TMEM108: variants seen among roughly 807,000 people sequenced by gnomAD.
TMEM108 encodes the protein cancer/testis antigen 124.
TMEM108 carries 12 observed loss-of-function variants against 35.1 expected under a neutral mutation model. That is an observed-to-expected ratio of 0.34 (90% CI 0.22 to 0.55). The LOEUF (loss-of-function observed/expected upper bound fraction) is 0.55. TMEM108 is among the 20% of genes least tolerant of loss of function. The pLI, the probability that TMEM108 is intolerant of heterozygous loss-of-function variation, is 0.89. For synonymous variants in TMEM108, 287 were observed against 308.6 expected, an observed-to-expected ratio of 0.93 and a Z score of 0.73; for missense variants, 680 against 753.3, an observed-to-expected ratio of 0.90 and a Z score of 1.14.
At chr3:133,246,253 A>G (rs187444529) in intron 3 of TMEM108, 3 of 152,274 alleles carry the variant, frequency 2.0e-5, no homozygotes, top group Admixed American at 2.0e-4. Context: ...GTTGCACCAA[A>G]CTATTAGTTT....
intron 2 of TMEM108, among the ~76,000 whole-genome samples, chr3:133,107,781 C>G (rs903671596): frequency 6.6e-6 from 1 of 152,174 alleles, no homozygotes; most frequent in African/African-American, 2.4e-5. Context: ...GCTATAGCCT[C>G]TAAGCCACAA....
chr3:133,181,029 A>C (rs921836964), intron 2 of TMEM108, among the ~76,000 whole-genome samples: 6 of 144,120 alleles, frequency 4.2e-5, no homozygotes, highest in South Asian at 2.2e-4. Flanking sequence ...AAAAAAAAAA[A>C]AAAAAAAAAC....
chr3:133,309,985 CCA>C (rs1183102493), intron 3 of TMEM108, among the ~76,000 whole-genome samples: 1 of 152,098 alleles, frequency 6.6e-6, no homozygotes, highest in Non-Finnish European at 1.5e-5. Flanking sequence ...CAGGCGTGAG[CCA>C]CCGCGCCCGG....
rs754073637 is a variant in TMEM108 at position 133,380,648 on chromosome 3, G to T, written c.937G>T (p.Ala313Ser). 9.9e-6 allele frequency: 16 copies of T among 1,613,822 alleles called. No homozygotes were observed. The highest frequency in any genetic ancestry group is 1.4e-5 in the Non-Finnish European group (16 of 1,179,966). ...AGGTGCCCCTGTCAGTCCACAAGCTGCCCCAGTGCCTTCTCAGCGCCCCCA... is the reference window on the plus strand; with the variant it reads ...AGGTGCCCCTGTCAGTCCACAAGCTTCCCCAGTGCCTTCTCAGCGCCCCCA... Reference protein sequence around the residue: ...ASGAPVSPQAAPVPSQRPHHG... With the variant: ...ASGAPVSPQASPVPSQRPHHG... Residue 313 changes from alanine to serine, a missense_variant, in exon 4 of 6, where the codon GCC becomes TCC. Ala to Ser is a moderately conservative substitution (Grantham distance 99). Coordinates refer to ENST00000321871, the MANE Select transcript of TMEM108 (RefSeq NM_023943.4). The surrounding 1 kb of genome is among the most constrained non-coding windows in gnomAD (Gnocchi z 5.3).
chr3:133,095,841 T>C (rs141826320), intron 2 of TMEM108, among the ~76,000 whole-genome samples: 1 of 152,348 alleles, frequency 6.6e-6, no homozygotes, highest in East Asian at 1.9e-4. Context: ...TGTGGCCCAG[T>C]TCCTGGCTGT....
chr3:133,197,143 A>G (rs1945590304), intron 2 of TMEM108, among the ~76,000 whole-genome samples: 1 of 152,222 alleles, frequency 6.6e-6, no homozygotes, highest in Non-Finnish European at 1.5e-5. Context: ...ATAGACTACT[A>G]TGTAACTGCA....
intron 2 of TMEM108, among the ~76,000 whole-genome samples, chr3:133,111,654 G>A (rs777844139): frequency 1.8e-4 from 27 of 152,018 alleles, no homozygotes; most frequent in Non-Finnish European, 3.8e-4. Flanking sequence ...ATCTTTGTAA[G>A]CTGCCCTGAA....
At chr3:133,153,112 G>T (rs935699663) in intron 2 of TMEM108, among the ~76,000 whole-genome samples, 2 of 152,230 alleles carry the variant, frequency 1.3e-5, no homozygotes, top group African/African-American at 4.8e-5. Flanking sequence ...GTAGACCATT[G>T]TGTCAAACAC....
At chr3:133,311,686 A>G (rs959519501) in intron 3 of TMEM108, among the ~76,000 whole-genome samples, 1 of 152,148 alleles carries the variant, frequency 6.6e-6, no homozygotes, top group Non-Finnish European at 1.5e-5. Context: ...GAAGTTTATT[A>G]CCAACCTTCT....
At chr3:133,161,197 C>A (rs1394357270) in intron 2 of TMEM108, among the ~76,000 whole-genome samples, 2 of 152,194 alleles carry the variant, frequency 1.3e-5, no homozygotes, top group African/African-American at 4.8e-5. Context: ...TGTTTTAACA[C>A]TTCAAGTACT....
intron 1 of TMEM108, among the ~76,000 whole-genome samples, chr3:133,040,292 C>G (rs1943259711): frequency 6.7e-6 from 1 of 150,034 alleles, no homozygotes; most frequent in Non-Finnish European, 1.5e-5. Context: ...TAACCTCCGT[C>G]TCCTGGATTC....
intron 1 of TMEM108, among the ~76,000 whole-genome samples, chr3:133,043,498 GC>G (rs1943299479): frequency 6.6e-6 from 1 of 152,152 alleles, no homozygotes; most frequent in Non-Finnish European, 1.5e-5. Flanking sequence ...TAATGTATAT[GC>G]GAGTATTGAT....
intron 1 of TMEM108, among the ~76,000 whole-genome samples, chr3:133,042,440 C>T (rs1943286701): frequency 6.6e-6 from 1 of 152,198 alleles, no homozygotes; most frequent in South Asian, 2.1e-4. Flanking sequence ...TAAATCTATT[C>T]ACCTTTCTGA....
At chr3:133,288,436 C>T (rs763674641) in intron 3 of TMEM108, among the ~76,000 whole-genome samples, 67 of 152,176 alleles carry the variant, frequency 4.4e-4, no homozygotes, top group Non-Finnish European at 4.4e-4. Flanking sequence ...TTCTTTAAAT[C>T]GGATGCCTTT....
chr3:133,377,226 G>A (rs1169716228), intron 3 of TMEM108, among the ~76,000 whole-genome samples: 2 of 152,142 alleles, frequency 1.3e-5, no homozygotes, highest in African/African-American at 4.8e-5. Flanking sequence ...GGGATTTTGG[G>A]GGTGCATAAG....
chr3:133,118,750 C>G (rs1022358181), intron 2 of TMEM108, among the ~76,000 whole-genome samples: 1 of 152,072 alleles, frequency 6.6e-6, no homozygotes, highest in African/African-American at 2.4e-5. Context: ...GTTCTCCTAC[C>G]CAGGGCTCGG....
rs552250203 is a variant in TMEM108 at position 133,260,660 on chromosome 3, T to C, written c.40+31309T>C. 5.3e-5 allele frequency among the ~76,000 whole-genome samples: 8 copies of C among 152,144 alleles called. No individual in the cohort carries two copies. The South Asian group carries it at 1.5e-3, about 28-fold the overall frequency. On this transcript the variant is annotated intron_variant, in intron 3 of 5. Transcript: ENST00000321871. The stretch of plus-strand genomic sequence containing the variant: ...TATCTTAAGTGTAATGAGGAGCCCA[T>C]TGGAAAATTCTAAACAGATAAATAA...
At chr3:133,351,722 A>C (rs2072004077) in intron 3 of TMEM108, among the ~76,000 whole-genome samples, 1 of 152,144 alleles carries the variant, frequency 6.6e-6, no homozygotes, top group Non-Finnish European at 1.5e-5. Context: ...GAGGAAAGTG[A>C]GGCACAAAGT....
intron 2 of TMEM108, among the ~76,000 whole-genome samples, chr3:133,221,540 T>C (rs1360285940): frequency 6.6e-6 from 1 of 152,154 alleles, no homozygotes; most frequent in African/African-American, 2.4e-5. Context: ...CTTACTACTG[T>C]CACTTTGTTA....
Sources: allele counts gnomAD v4.1 joint callset (sites outside exome capture counted in the v4.1 genomes callset), GRCh38; gene constraint gnomAD v4.1.1; non-coding constraint Gnocchi (gnomAD v3.1); transcripts MANE v1.5; gene names NCBI Gene and HGNC (gene_info 2026-07-23, HGNC 2026-07-21).